DOCK5: variants seen among roughly 807,000 people sequenced by gnomAD.
DOCK5 encodes the protein dedicator of cytokinesis 5, also known as dedicator of cytokinesis protein 5.
A neutral mutation model predicts 251.8 loss-of-function variants in DOCK5; 142 were observed. The ratio of observed to expected loss-of-function variants is 0.56; its 90% CI spans 0.49 to 0.65. DOCK5 has a LOEUF of 0.65. Among genes scored for constraint, DOCK5 ranks in the 30% least tolerant of loss-of-function variants. The probability of loss-of-function intolerance (pLI) is 0.00; values close to 1 mark genes in which losing one functional copy is unlikely to be tolerated. For synonymous variants in DOCK5, 842 were observed against 835.5 expected (o/e 1.01, Z -0.13); for missense variants, 2,111 against 2,312.3 (o/e 0.91, Z 1.79).
chr8:25,317,986 A>C (rs1805304239), intron 14 of DOCK5, among the ~76,000 whole-genome samples: 2 of 152,170 alleles, frequency 1.3e-5, no homozygotes, highest in South Asian at 2.1e-4. Flanking sequence ...GAAACACAGG[A>C]GTTAGTGGCA....
At chr8:25,302,012 G>C (rs531049039) in intron 9 of DOCK5, among the ~76,000 whole-genome samples, 7 of 152,298 alleles carry the variant, frequency 4.6e-5, no homozygotes, top group African/African-American at 1.7e-4. Flanking sequence ...CAATCGCAAT[G>C]ATGAGGGCCC....
At chr8:25,349,597 AAAT>A (rs1160754247) in intron 26 of DOCK5, among the ~76,000 whole-genome samples, 1 of 152,252 alleles carries the variant, frequency 6.6e-6, no homozygotes, top group Non-Finnish European at 1.5e-5. Flanking sequence ...AAAAGGAACA[AAAT>A]AATGTCTTTT....
At chr8:25,403,827 A>G in intron 48 of DOCK5, 103 bp downstream of exon 48, 1 of 1,205,108 alleles carries the variant, frequency 8.3e-7, no homozygotes, top group Admixed American at 2.5e-5. Flanking sequence ...CCTTTGGGTC[A>G]TTCTCATTGT....
chr8:25,257,351 G>C (rs191541382), intron 2 of DOCK5, among the ~76,000 whole-genome samples: 1 of 152,264 alleles, frequency 6.6e-6, no homozygotes, highest in African/African-American at 2.4e-5. Context: ...TCAATGTGGA[G>C]ATTTAGGTTA....
intron 1 of DOCK5, among the ~76,000 whole-genome samples, chr8:25,238,371 T>C (rs1586254005): frequency 6.6e-6 from 1 of 152,328 alleles, no homozygotes; most frequent in South Asian, 2.1e-4. Flanking sequence ...CTAAGATATA[T>C]ATGAAAGTAA....
chr8:25,274,463 A>G (rs1460302838), intron 3 of DOCK5, among the ~76,000 whole-genome samples: 3 of 152,230 alleles, frequency 2.0e-5, no homozygotes, highest in Admixed American at 1.3e-4. Context: ...TTTGGTACAC[A>G]TAACACTCAC....
chr8:25,330,917 A>C (rs1232586071), intron 18 of DOCK5, among the ~76,000 whole-genome samples: 3 of 151,944 alleles, frequency 2.0e-5, no homozygotes, highest in Non-Finnish European at 4.4e-5. Flanking sequence ...TTCTCTACAA[A>C]AAATACAAAA....
At chr8:25,304,176 C>T (rs1057194030) in intron 10 of DOCK5, 79 bp from the exon 11 acceptor site, 2 of 1,227,068 alleles carry the variant, frequency 1.6e-6, no homozygotes, top group African/African-American at 1.5e-5. Context: ...TTGATGTTTG[C>T]TGATACTGTC....
chr8:25,378,227 G>A (rs1296415647), intron 38 of DOCK5, among the ~76,000 whole-genome samples: 1 of 152,154 alleles, frequency 6.6e-6, no homozygotes. Context: ...ACCACCATGA[G>A]TCACCTCATT....
chr8:25,185,013 C>T, intron 1 of DOCK5, 62 bp downstream of exon 1: 13 of 1,289,718 alleles, frequency 1.0e-5, no homozygotes, highest in Non-Finnish European at 1.3e-5. Flanking sequence ...GGACAGCGGC[C>T]CTGCCAGGTT....
chr8:25,255,859 T>G (rs893971727), intron 2 of DOCK5, among the ~76,000 whole-genome samples: 2 of 152,222 alleles, frequency 1.3e-5, no homozygotes, highest in Non-Finnish European at 2.9e-5. Flanking sequence ...TATTAAAAAT[T>G]TTTAAGCATA....
intron 16 of DOCK5, 129 bp downstream of exon 16, chr8:25,321,181 A>G: frequency 1.3e-6 from 1 of 757,510 alleles, no homozygotes; most frequent in Non-Finnish European, 2.2e-6. Flanking sequence ...TTTGTAACTC[A>G]CTGGTGCTAA....
Position 25,401,068 on chromosome 8 carries a change from T to C in DOCK5, c.4926+2T>C. ...AAGCACTATGGGGTTATAACACTGG[T>C]AAGCATGATCTAAGTAGCCTTCACA... On this transcript the variant is annotated splice_donor_variant, in intron 47 of 51. Coordinates refer to ENST00000276440, the MANE Select transcript of DOCK5 (RefSeq NM_024940.8). LOFTEE classifies it high-confidence loss of function. 1 of 1,613,942 alleles carries C rather than the reference T, an allele frequency of 6.2e-7. No homozygotes were observed. The highest frequency in any genetic ancestry group is 1.1e-5 in the South Asian group (1 of 91,070).
At chr8:25,320,292 T>G (rs1246690905) in intron 15 of DOCK5, among the ~76,000 whole-genome samples, 1 of 152,202 alleles carries the variant, frequency 6.6e-6, no homozygotes, top group Admixed American at 6.5e-5. Flanking sequence ...AAAAAAAAAT[T>G]TTTTAATTGC....
At chr8:25,277,759 A>C (rs1804083517) in intron 4 of DOCK5, among the ~76,000 whole-genome samples, 1 of 152,192 alleles carries the variant, frequency 6.6e-6, no homozygotes, top group Admixed American at 6.5e-5. Context: ...AATAGTAAGT[A>C]ATTTTTCATA....
At position 25,319,621 on chromosome 8, in the gene DOCK5, A is replaced by G; in HGVS notation, c.1487A>G (p.Tyr496Cys). ...GCTGGATATGAAGGCATTTCAGAAT[A>G]CAAATCAGTAGTCTATTACCAAGTC... ...PGAGYEGISEYKSVVYYQVKQ... is the reference protein window; with the variant it reads ...PGAGYEGISECKSVVYYQVKQ... Residue 496 changes from tyrosine to cysteine, a missense_variant, in exon 15 of 52, where the codon TAC (tyrosine) becomes TGC (cysteine). Tyr to Cys is a radical substitution (Grantham distance 194). Transcript: ENST00000276440. The G allele has an allele frequency of 1.3e-6, 2 of 1,591,746 alleles. No individual in the cohort carries two copies. The highest frequency in any genetic ancestry group is 1.7e-6 in the Non-Finnish European group (2 of 1,168,804).
intron 31 of DOCK5, 90 bp downstream of exon 31, chr8:25,367,060 AT>A (rs1800789445): frequency 8.9e-7 from 1 of 1,123,412 alleles, no homozygotes. Context: ...AGAAATTACT[AT>A]TTAGTGGCTA....
At chr8:25,328,385 C>T (rs1805610703) in intron 18 of DOCK5, among the ~76,000 whole-genome samples, 1 of 151,962 alleles carries the variant, frequency 6.6e-6, no homozygotes, top group Non-Finnish European at 1.5e-5. Context: ...GGAGACTTGG[C>T]AAAGGCATCA....
intron 5 of DOCK5, among the ~76,000 whole-genome samples, chr8:25,290,163 A>C (rs141241580): frequency 7.1e-4 from 108 of 152,270 alleles, no homozygotes; most frequent in Non-Finnish European, 1.0e-3. Flanking sequence ...TTACCAGCAC[A>C]TAGTGGATGC....
Sources: gnomAD v4.1 joint callset for allele counts (sites outside exome capture counted in the v4.1 genomes callset) on GRCh38, gnomAD v4.1.1 for gene constraint, MANE v1.5 for transcripts, NCBI Gene and HGNC (gene_info 2026-07-23, HGNC 2026-07-21) for gene names.